MBOAT1: variants seen among roughly 807,000 people sequenced by gnomAD.
The protein encoded by MBOAT1 is membrane-bound glycerophospholipid O-acyltransferase 1.
MBOAT1 carries 67 observed loss-of-function variants against 64.4 expected under a neutral mutation model. The observed-to-expected ratio is 1.04, with a 90% CI of 0.85 to 1.27. The LOEUF is 1.27. Ranked by LOEUF, MBOAT1 falls within the 50% of genes most tolerant of loss-of-function variation. The pLI is 0.00. For missense variants in MBOAT1, 563 were observed against 604.6 expected, an observed-to-expected ratio of 0.93 and a Z score of 0.72; for synonymous variants, 229 against 218.9, an observed-to-expected ratio of 1.05 and a Z score of -0.41.
At chr6:20,139,198 T>A (rs1017668386) in intron 4 of MBOAT1, among the ~76,000 whole-genome samples, 2 of 152,146 alleles carry the variant, frequency 1.3e-5, no homozygotes, top group Non-Finnish European at 2.9e-5. Context: ...TGGTCTCCGC[T>A]CCCTACAACC....
At chr6:20,170,160 T>A (rs752046950) in intron 1 of MBOAT1, among the ~76,000 whole-genome samples, 13 of 152,198 alleles carry the variant, frequency 8.5e-5, no homozygotes, top group Non-Finnish European at 1.9e-4. Context: ...CTAGGGGCCA[T>A]CCCAGGCCAG....
At chr6:20,195,859 T>C (rs1487786467) in intron 1 of MBOAT1, among the ~76,000 whole-genome samples, 1 of 152,136 alleles carries the variant, frequency 6.6e-6, no homozygotes, top group Non-Finnish European at 1.5e-5. Flanking sequence ...CCCTGGGGTA[T>C]ATACCCATCC....
At chr6:20,134,902 CTTTTTTTT>C (rs3057688) in intron 4 of MBOAT1, among the ~76,000 whole-genome samples, 6 of 104,734 alleles carry the variant, frequency 5.7e-5, no homozygotes, top group Admixed American at 2.1e-4. Context: ...AATTCATGTT[CTTTTTTTT>C]TTTTTTTTTT....
chr6:20,171,805 G>A (rs188064969), intron 1 of MBOAT1, among the ~76,000 whole-genome samples: 431 of 151,598 alleles, frequency 2.8e-3, no homozygotes, highest in Non-Finnish European at 4.6e-3. Flanking sequence ...AGGCCAAGGC[G>A]AGATAAATGC....
chr6:20,117,936 CAGAG>C (rs1760376280), intron 9 of MBOAT1, among the ~76,000 whole-genome samples: 1 of 152,142 alleles, frequency 6.6e-6, no homozygotes, highest in African/African-American at 2.4e-5. Flanking sequence ...AGAATGAAGA[CAGAG>C]AGAAAAACCA....
intron 1 of MBOAT1, among the ~76,000 whole-genome samples, chr6:20,189,158 G>A (rs1762735314): frequency 6.6e-6 from 1 of 152,130 alleles, no homozygotes; most frequent in Non-Finnish European, 1.5e-5. Context: ...AATGCCTTAG[G>A]TCCTTAGGAC....
rs1561791674 is a variant in MBOAT1, at chr6:20,212,376, G to A, written c.-142C>T. The A allele has an allele frequency of 7.0e-6, 5 of 711,546 alleles. No individual in the cohort carries two copies. The highest frequency in any genetic ancestry group is 3.7e-5 in the South Asian group (2 of 54,652). 44.1% of individuals were successfully genotyped at this position (711,546 alleles called of 1,614,324 possible). On this transcript the variant is annotated 5_prime_UTR_variant, in exon 1 of 13. Coordinates refer to ENST00000324607, the MANE Select transcript of MBOAT1 (RefSeq NM_001080480.3). ...GCGGGGGAGCGAACGGGAGGCCGGG[G>A]AATGCGAACCGGCGCAAACTCTCGA...
intron 10 of MBOAT1, among the ~76,000 whole-genome samples, chr6:20,114,669 G>A (rs1222457764): frequency 6.6e-6 from 1 of 152,098 alleles, no homozygotes. Context: ...GATCACCTGA[G>A]GTCAGGAGTT....
In MBOAT1 at chr6:20,186,026, A is replaced by T. The variant is rs1256840315; in HGVS notation, c.99+26110T>A. On this transcript the variant is annotated intron_variant, in intron 1 of 12. Transcript: ENST00000324607. ...GCAAGACCTTGCCTCTAAAAAAAAT[A>T]CAAAATATTAGCCCAGCATGGTGGT... 2.0e-5 allele frequency among the ~76,000 whole-genome samples: 3 copies of T among 152,194 alleles called. No individual in the cohort carries two copies. In the East Asian group the frequency reaches 5.8e-4, roughly 29 times the overall value.
intron 1 of MBOAT1, among the ~76,000 whole-genome samples, chr6:20,177,789 A>C (rs59472122): frequency 0.17 from 11,995 of 71,346 alleles, 534 homozygotes; most frequent in East Asian, 0.35. Context: ...AAAAAAAAAA[A>C]AACAAAAAAC....
intron 1 of MBOAT1, among the ~76,000 whole-genome samples, chr6:20,181,822 A>G (rs887256732): frequency 1.3e-5 from 2 of 152,226 alleles, no homozygotes; most frequent in African/African-American, 4.8e-5. Context: ...CAGGGTATAT[A>G]TGTTTATAAT....
chr6:20,177,682 G>A (rs1300576500), intron 1 of MBOAT1, among the ~76,000 whole-genome samples: 3 of 151,162 alleles, frequency 2.0e-5, no homozygotes, highest in African/African-American at 7.3e-5. Context: ...GCTGAGGCAG[G>A]AGAACGGCGT....
At chr6:20,161,012 G>A (rs1761839268) in intron 1 of MBOAT1, among the ~76,000 whole-genome samples, 1 of 152,174 alleles carries the variant, frequency 6.6e-6, no homozygotes, top group African/African-American at 2.4e-5. Context: ...GACCAGTACT[G>A]GTCCATGGCC....
chr6:20,106,348 A>C (rs1759956343), intron 12 of MBOAT1, among the ~76,000 whole-genome samples: 1 of 152,206 alleles, frequency 6.6e-6, no homozygotes, highest in Non-Finnish European at 1.5e-5. Flanking sequence ...GTGCATTTCA[A>C]ATCCTCAAGG....
At chr6:20,105,023 G>A (rs1399920528) in intron 12 of MBOAT1, among the ~76,000 whole-genome samples, 4 of 152,172 alleles carry the variant, frequency 2.6e-5, no homozygotes, top group Non-Finnish European at 5.9e-5. Context: ...CTAATCTACT[G>A]TCTAAACCAA....
chr6:20,171,982 A>C (rs1232720430), intron 1 of MBOAT1, among the ~76,000 whole-genome samples: 3 of 152,202 alleles, frequency 2.0e-5, no homozygotes, highest in African/African-American at 7.2e-5. Context: ...GCTGTGAGCT[A>C]TGATCACACC....
At chr6:20,111,859 C>CATATATACAT (rs1760169899) in intron 11 of MBOAT1, among the ~76,000 whole-genome samples, 3 of 108,638 alleles carry the variant, frequency 2.8e-5, no homozygotes, top group African/African-American at 1.3e-4. Flanking sequence ...TATATATATA[C>CATATATACAT]ATATATATAC....
chr6:20,212,352 CG>C lies in MBOAT1; in HGVS notation c.-119del. 1.1e-6 allele frequency: 1 copy of C among 885,654 alleles called. No individual in the cohort carries two copies. The highest frequency in any genetic ancestry group is 1.7e-6 in the Non-Finnish European group (1 of 585,928). 54.9% of individuals were successfully genotyped at this position (885,654 alleles called of 1,614,324 possible). ...GAGAGGCGCACGGCCGCCTGGTTCG[CG>C]GGGGAGCGAACGGGAGGCCGGGGAA... On this transcript the variant is annotated 5_prime_UTR_variant, in exon 1 of 13. Coordinates refer to ENST00000324607, the MANE Select transcript of MBOAT1 (RefSeq NM_001080480.3).
chr6:20,164,467 TAGG>T (rs1404784337), intron 1 of MBOAT1, among the ~76,000 whole-genome samples: 1 of 152,206 alleles, frequency 6.6e-6, no homozygotes, highest in Non-Finnish European at 1.5e-5. Context: ...AAGTATTAGA[TAGG>T]CTACAAAGTG....
Sources: gnomAD v4.1 joint callset for allele counts (sites outside exome capture counted in the v4.1 genomes callset) on GRCh38, gnomAD v4.1.1 for gene constraint, MANE v1.5 for transcripts, NCBI Gene and HGNC (gene_info 2026-07-23, HGNC 2026-07-21) for gene names.